Variants in RNF185 observed in about 807,000 individuals in gnomAD.
RNF185 encodes E3 ubiquitin-protein ligase RNF185.
A neutral mutation model predicts 24.9 loss-of-function variants in RNF185; 13 were observed. The ratio of observed to expected loss-of-function variants is 0.52; its 90% CI spans 0.34 to 0.83. The LOEUF (loss-of-function observed/expected upper bound fraction) is 0.83. Ranked by LOEUF, RNF185 falls within the 40% of genes least tolerant of loss-of-function variation. The pLI is 0.01. For synonymous variants in RNF185, 79 were observed against 90.3 expected (o/e 0.88, Z 0.71); for missense variants, 184 against 244.7 (o/e 0.75, Z 1.65).
chr22:31,177,264 A>C (rs1252363573), intron 1 of RNF185, among the ~76,000 whole-genome samples: 3 of 151,642 alleles, frequency 2.0e-5, no homozygotes, highest in African/African-American at 7.3e-5. Flanking sequence ...CTGTATCTTG[A>C]ATGCCTGGCA....
chr22:31,200,570 A>G lies in RNF185; in HGVS notation c.364-928A>G, dbSNP rs571990425. On this transcript the variant is annotated intron_variant, in intron 5 of 6. Coordinates refer to ENST00000326132, the MANE Select transcript of RNF185 (RefSeq NM_152267.4). ...CTAGCACAGAGCTCACGCTTTAAAAAAGGGAGTTATTTATTCACAGTATTG... is the reference window on the plus strand; with the variant it reads ...CTAGCACAGAGCTCACGCTTTAAAAGAGGGAGTTATTTATTCACAGTATTG... Among the ~76,000 whole-genome samples, 13 of 152,374 alleles carry G rather than the reference A, an allele frequency of 8.5e-5. No homozygotes were observed. The East Asian group carries it at 2.5e-3, about 29-fold the overall frequency.
At chr22:31,176,498 T>C (rs1324770546) in intron 1 of RNF185, among the ~76,000 whole-genome samples, 1 of 151,196 alleles carries the variant, frequency 6.6e-6, no homozygotes, top group African/African-American at 2.4e-5. Flanking sequence ...TTTCTTTTTT[T>C]TTTTTTTTTA....
intron 1 of RNF185, among the ~76,000 whole-genome samples, chr22:31,176,648 C>A (rs907809760): frequency 6.6e-6 from 1 of 151,846 alleles, no homozygotes; most frequent in Non-Finnish European, 1.5e-5. Flanking sequence ...GCCACCATGC[C>A]CGGCTAATTT....
chr22:31,197,992 T>C (rs895536964), intron 5 of RNF185, among the ~76,000 whole-genome samples: 5 of 152,196 alleles, frequency 3.3e-5, no homozygotes, highest in African/African-American at 1.2e-4. Flanking sequence ...CATATTTACA[T>C]CAAATGTTAC....
At chr22:31,183,831 A>G (rs1354040144) in intron 1 of RNF185, among the ~76,000 whole-genome samples, 1 of 151,902 alleles carries the variant, frequency 6.6e-6, no homozygotes, top group East Asian at 1.9e-4. Context: ...TTTTCCCCAC[A>G]TTTCCCCCTT....
intron 1 of RNF185, among the ~76,000 whole-genome samples, chr22:31,160,960 G>A (rs947806191): frequency 2.6e-5 from 4 of 152,182 alleles, no homozygotes; most frequent in African/African-American, 7.2e-5. Flanking sequence ...TTCCTGCTGT[G>A]AGCACTAGAT....
At chr22:31,199,726 A>G (rs1279562076) in intron 5 of RNF185, among the ~76,000 whole-genome samples, 2 of 152,220 alleles carry the variant, frequency 1.3e-5, no homozygotes, top group Non-Finnish European at 2.9e-5. Context: ...TTCAACCATG[A>G]ACTGAGTAGG....
Position 31,194,895 on chromosome 22 carries a change from C to G in RNF185, c.196-574C>G, listed in dbSNP as rs956871907. 5.9e-5 allele frequency among the ~76,000 whole-genome samples: 9 copies of G among 152,240 alleles called. No homozygotes were observed. The East Asian group carries it at 7.7e-4, about 13-fold the overall frequency. On this transcript the variant is annotated intron_variant, in intron 3 of 6. Coordinates refer to ENST00000326132, the MANE Select transcript of RNF185 (RefSeq NM_152267.4). ...GCCCCAGACTTGCAGTTTCCCTCCC[C>G]CTGTGTTGCTAGGAGGCCCTAGAGA... is the stretch of plus-strand genomic sequence containing the variant.
chr22:31,192,599 A>G (rs1043687117), intron 2 of RNF185, 85 bp from the exon 3 acceptor site: 3 of 1,154,376 alleles, frequency 2.6e-6, no homozygotes, highest in African/African-American at 3.0e-5. Context: ...CCACCCATCA[A>G]GTGTTTCTGC....
intron 1 of RNF185, among the ~76,000 whole-genome samples, chr22:31,171,621 A>G (rs1381813186): frequency 3.9e-5 from 6 of 152,178 alleles, no homozygotes. Flanking sequence ...TCAAAATGGT[A>G]TCATTTTGGT....
intron 5 of RNF185, among the ~76,000 whole-genome samples, chr22:31,200,325 C>T (rs1392711486): frequency 2.6e-5 from 4 of 152,092 alleles, no homozygotes; most frequent in Non-Finnish European, 4.4e-5. Context: ...CCATTGCACT[C>T]CAGGCTTGGT....
chr22:31,165,293 A>C (rs548338637), intron 1 of RNF185, among the ~76,000 whole-genome samples: 4 of 152,150 alleles, frequency 2.6e-5, no homozygotes, highest in African/African-American at 9.7e-5. Flanking sequence ...AAAAAATTAT[A>C]TCTCTCCTAG....
At chr22:31,189,134 A>AAT (rs767793942) in intron 2 of RNF185, among the ~76,000 whole-genome samples, 3,448 of 36,992 alleles carry the variant, frequency 0.093, 65 homozygotes, top group African/African-American at 0.2. Context: ...TCAAAAAAAA[A>AAT]ATGTGTGTGT....
chr22:31,190,136 A>C (rs1233682501), intron 2 of RNF185, among the ~76,000 whole-genome samples: 2 of 152,258 alleles, frequency 1.3e-5, no homozygotes, highest in African/African-American at 4.8e-5. Flanking sequence ...CATGCAGTAC[A>C]TAATGACATT....
intron 1 of RNF185, among the ~76,000 whole-genome samples, chr22:31,179,129 T>C (rs959879082): frequency 5.3e-5 from 8 of 152,204 alleles, no homozygotes; most frequent in African/African-American, 1.7e-4. Context: ...GGCACAGAAC[T>C]AGCCACAACA....
rs1465651141 is a variant in RNF185 at position 31,200,576 on chromosome 22, GTTAT to G, written c.364-916_364-913del. 7.2e-5 allele frequency among the ~76,000 whole-genome samples: 11 copies of G among 152,300 alleles called. No individual in the cohort carries two copies. In the South Asian group the frequency reaches 1.0e-3, roughly 14 times the overall value. On this transcript the variant is annotated intron_variant, in intron 5 of 6. Coordinates refer to ENST00000326132, the MANE Select transcript of RNF185 (RefSeq NM_152267.4). The stretch of plus-strand genomic sequence containing the variant: ...CAGAGCTCACGCTTTAAAAAAGGGA[GTTAT>G]TTATTCACAGTATTGTTCCTGCTGA...
chr22:31,185,207 A>G (rs1451990469), intron 1 of RNF185, among the ~76,000 whole-genome samples: 2 of 152,120 alleles, frequency 1.3e-5, no homozygotes, highest in Non-Finnish European at 2.9e-5. Context: ...CTTCTGGGAC[A>G]TTATGTAAAA....
intron 2 of RNF185, among the ~76,000 whole-genome samples, chr22:31,192,460 G>A (rs746068852): frequency 1.3e-5 from 2 of 151,924 alleles, no homozygotes; most frequent in Non-Finnish European, 2.9e-5. Flanking sequence ...TCTCCATTGC[G>A]TTATTTATTT....
chr22:31,178,553 G>C (rs1402067358), intron 1 of RNF185, among the ~76,000 whole-genome samples: 1 of 152,154 alleles, frequency 6.6e-6, no homozygotes, highest in Non-Finnish European at 1.5e-5. Context: ...AGGATGCTTT[G>C]TTTAAGAAAA....
Sources: allele counts gnomAD v4.1 joint callset (sites outside exome capture counted in the v4.1 genomes callset), GRCh38; gene constraint gnomAD v4.1.1; transcripts MANE v1.5; gene names NCBI Gene and HGNC (gene_info 2026-07-23, HGNC 2026-07-21).